The following SLC25A21 variants were observed in gnomAD, a reference collection of about 807,000 sequenced individuals.
SLC25A21 encodes the protein solute carrier family 25 member 21.
Under a neutral mutation model 43.8 loss-of-function variants are expected in SLC25A21, and 47 were observed. The ratio of observed to expected loss-of-function variants is 1.07; its 90% CI spans 0.85 to 1.37. The LOEUF (loss-of-function observed/expected upper bound fraction) is 1.37. SLC25A21 is among the 40% of genes most tolerant of loss of function. The probability of loss-of-function intolerance (pLI) is 0.00; values close to 1 mark genes in which losing one functional copy is unlikely to be tolerated. For missense variants in SLC25A21, 352 were observed against 350.2 expected (o/e 1.00, Z -0.04); for synonymous variants, 131 against 121.3 (o/e 1.08, Z -0.52).
At chr14:37,033,877 A>C (rs1290900822) in intron 1 of SLC25A21, among the ~76,000 whole-genome samples, 1 of 152,216 alleles carries the variant, frequency 6.6e-6, no homozygotes, top group African/African-American at 2.4e-5. Flanking sequence ...TTGCTGTTAC[A>C]GGTATTCCAT....
intron 1 of SLC25A21, among the ~76,000 whole-genome samples, chr14:37,151,549 T>C (rs7140725): frequency 0.044 from 6,760 of 152,216 alleles, 298 homozygotes; most frequent in Admixed American, 0.1. Flanking sequence ...GTATTTAACA[T>C]AACCAGAGAG....
intron 1 of SLC25A21, among the ~76,000 whole-genome samples, chr14:37,080,964 G>A (rs557500946): frequency 1.3e-5 from 2 of 152,162 alleles, no homozygotes; most frequent in African/African-American, 4.8e-5. Flanking sequence ...ATTGTTAAAT[G>A]GTTATCGACT....
intron 1 of SLC25A21, among the ~76,000 whole-genome samples, chr14:36,994,560 C>T (rs1274233357): frequency 2.0e-5 from 3 of 152,174 alleles, no homozygotes; most frequent in Non-Finnish European, 4.4e-5. Context: ...GCTTTACGCA[C>T]TCTAAAAAAG....
intron 2 of SLC25A21, among the ~76,000 whole-genome samples, chr14:36,858,567 C>T (rs567697542): frequency 6.6e-6 from 1 of 152,210 alleles, no homozygotes; most frequent in Admixed American, 6.5e-5. Context: ...ATATTGAACC[C>T]TGAGTTTGTA....
intron 2 of SLC25A21, among the ~76,000 whole-genome samples, chr14:36,867,864 C>A (rs1382231893): frequency 6.6e-6 from 1 of 151,648 alleles, no homozygotes; most frequent in East Asian, 1.9e-4. Context: ...GCCATTATTG[C>A]TCCTATTTAA....
intron 3 of SLC25A21, among the ~76,000 whole-genome samples, chr14:36,757,448 C>G (rs1885977356): frequency 1.3e-5 from 2 of 152,220 alleles, no homozygotes; most frequent in Non-Finnish European, 2.9e-5. Flanking sequence ...TTTGACCACT[C>G]ATTTTCTTCT....
intron 1 of SLC25A21, among the ~76,000 whole-genome samples, chr14:36,936,423 T>C (rs1015217439): frequency 2.0e-5 from 3 of 152,054 alleles, no homozygotes; most frequent in South Asian, 2.1e-4. Flanking sequence ...CCAAGAGAGA[T>C]AGATAAGCTC....
intron 7 of SLC25A21, among the ~76,000 whole-genome samples, chr14:36,707,159 G>A (rs1218842853): frequency 2.0e-5 from 3 of 152,096 alleles, no homozygotes; most frequent in African/African-American, 4.8e-5. Flanking sequence ...GAATGTTTTT[G>A]CCCATTTGCT....
intron 7 of SLC25A21, among the ~76,000 whole-genome samples, chr14:36,691,811 A>G (rs1476947945): frequency 1.3e-5 from 2 of 152,204 alleles, no homozygotes; most frequent in Non-Finnish European, 2.9e-5. Context: ...TTCCTCATCT[A>G]TGGATCTTTT....
At chr14:37,070,618 G>C (rs557675807) in intron 1 of SLC25A21, among the ~76,000 whole-genome samples, 21 of 152,202 alleles carry the variant, frequency 1.4e-4, no homozygotes, top group South Asian at 2.1e-4. Context: ...GTTCATGTTA[G>C]TTAACTTTCT....
intron 2 of SLC25A21, among the ~76,000 whole-genome samples, chr14:36,823,123 A>G (rs1451799368): frequency 5.9e-5 from 9 of 152,180 alleles, no homozygotes; most frequent in Non-Finnish European, 1.2e-4. Context: ...TACTTATGGG[A>G]TAATAACTAA....
At chr14:36,899,331 C>T (rs977042941) in intron 1 of SLC25A21, among the ~76,000 whole-genome samples, 12 of 152,114 alleles carry the variant, frequency 7.9e-5, no homozygotes, top group African/African-American at 2.7e-4. Flanking sequence ...GAAAGAGGAT[C>T]CCAAAGCATA....
chr14:37,096,725 T>G (rs1006444372), intron 1 of SLC25A21, among the ~76,000 whole-genome samples: 1 of 152,200 alleles, frequency 6.6e-6, no homozygotes, highest in African/African-American at 2.4e-5. Context: ...TTTTATTATA[T>G]CAATCTCTGT....
At chr14:37,058,790 A>T (rs1158924102) in intron 1 of SLC25A21, among the ~76,000 whole-genome samples, 1 of 152,146 alleles carries the variant, frequency 6.6e-6, no homozygotes, top group Non-Finnish European at 1.5e-5. Context: ...TGGTCTAGGA[A>T]ATCAGTCCTT....
chr14:36,857,842 T>C (rs1889946607), intron 2 of SLC25A21, among the ~76,000 whole-genome samples: 1 of 152,226 alleles, frequency 6.6e-6, no homozygotes, highest in Non-Finnish European at 1.5e-5. Context: ...TTGTTTCTCC[T>C]TGAGCACCTA....
chr14:36,776,066 T>C (rs1320379117), intron 3 of SLC25A21, among the ~76,000 whole-genome samples: 1 of 151,938 alleles, frequency 6.6e-6, no homozygotes, highest in Non-Finnish European at 1.5e-5. Flanking sequence ...CTTTCTCATT[T>C]AATCTCTCCC....
chr14:36,680,297 T>C lies in SLC25A21; in HGVS notation c.*361A>G. The stretch of plus-strand genomic sequence containing the variant: ...AATAGTTTAAGCATTTCTAGACCTC[T>C]TAGGAAAAATGCTGATCAATACAAT... On this transcript the variant is annotated 3_prime_UTR_variant, in exon 10 of 10. Coordinates refer to ENST00000331299, the MANE Select transcript of SLC25A21 (RefSeq NM_030631.4). The C allele has an allele frequency of 1.2e-6, 1 of 832,850 alleles. No homozygotes were observed. Among genetic ancestry groups the C allele is most frequent in the Non-Finnish European group, 1.4e-6 (1 of 738,530 alleles). The allele number at this position is 832,850 out of a possible 1,614,324, so 51.6% of individuals were successfully genotyped here.
At chr14:37,046,690 T>C (rs758836518) in intron 1 of SLC25A21, among the ~76,000 whole-genome samples, 15 of 152,210 alleles carry the variant, frequency 9.9e-5, no homozygotes, top group Non-Finnish European at 2.1e-4. Flanking sequence ...AGATGTTGGA[T>C]TGATTTCTTA....
chr14:36,893,439 AT>A (rs1891141999), intron 1 of SLC25A21, among the ~76,000 whole-genome samples: 1 of 152,202 alleles, frequency 6.6e-6, no homozygotes, highest in Non-Finnish European at 1.5e-5. Context: ...GATTCTGGAT[AT>A]TAGCCCTTTG....
Sources: gnomAD v4.1 joint callset for allele counts (sites outside exome capture counted in the v4.1 genomes callset) on GRCh38, gnomAD v4.1.1 for gene constraint, MANE v1.5 for transcripts, NCBI Gene and HGNC (gene_info 2026-07-23, HGNC 2026-07-21) for gene names.